CHRNA3: variants seen among roughly 807,000 people sequenced by gnomAD.
CHRNA3 encodes cholinergic receptor nicotinic alpha 3 subunit.
CHRNA3 carries 34 observed loss-of-function variants against 41.9 expected under a neutral mutation model. The ratio of observed to expected loss-of-function variants is 0.81; its 90% confidence interval spans 0.62 to 1.08. CHRNA3 has a LOEUF of 1.08. CHRNA3 is among the 50% of genes least tolerant of loss of function. The pLI, the probability that CHRNA3 is intolerant of heterozygous loss-of-function variation, is 0.00. For missense variants in CHRNA3, 542 were observed against 638.3 expected, an observed-to-expected ratio of 0.85 and a Z score of 1.63; for synonymous variants, 281 against 265.2, an observed-to-expected ratio of 1.06 and a Z score of -0.58.
chr15:78,593,570 C>T (rs73463098), downstream of CHRNA3: 993 of 178,646 alleles, frequency 5.6e-3, 13 homozygotes, highest in African/African-American at 0.022. Context: ...TTTGACTGTG[C>T]TGGAGAATTC....
intron 4 of CHRNA3, among the ~76,000 whole-genome samples, chr15:78,608,077 G>C (rs776417213): frequency 6.2e-4 from 94 of 152,356 alleles, no homozygotes; most frequent in Non-Finnish European, 1.2e-4. Context: ...CGGGAAGCTC[G>C]AACTGGATGG....
At chr15:78,598,021 C>T (rs945399312) in intron 5 of CHRNA3, among the ~76,000 whole-genome samples, 1 of 152,058 alleles carries the variant, frequency 6.6e-6, no homozygotes, top group Middle Eastern at 3.2e-3. Flanking sequence ...TTCAGATACA[C>T]CTTGAGATGT....
chr15:78,607,201 C>T (rs1422725786), intron 4 of CHRNA3, among the ~76,000 whole-genome samples: 2 of 137,146 alleles, frequency 1.5e-5, no homozygotes, highest in Non-Finnish European at 3.1e-5. Flanking sequence ...CTGGCCAACA[C>T]AGTGAGACTC....
intron 1 of CHRNA3, chr15:78,620,339 A>C: frequency 5.0e-6 from 1 of 201,344 alleles, no homozygotes; most frequent in Non-Finnish European, 1.0e-5. Context: ...GTGGAGCGGG[A>C]GGCTTGGGCG....
At chr15:78,596,785 T>C in intron 5 of CHRNA3, 53 bp from the exon 6 acceptor site, 8 of 1,563,244 alleles carry the variant, frequency 5.1e-6, no homozygotes, top group Non-Finnish European at 6.9e-6. Flanking sequence ...GGCAAATGAA[T>C]ACATTTTCAA....
chr15:78,616,137 G>C (rs1380679513), intron 4 of CHRNA3, among the ~76,000 whole-genome samples: 1 of 151,554 alleles, frequency 6.6e-6, no homozygotes, highest in Non-Finnish European at 1.5e-5. Flanking sequence ...CAGATTGCTT[G>C]AGGTCAGGAG....
At chr15:78,612,967 A>G (rs2053403573) in intron 4 of CHRNA3, among the ~76,000 whole-genome samples, 2 of 152,146 alleles carry the variant, frequency 1.3e-5, no homozygotes, top group Non-Finnish European at 2.9e-5. Flanking sequence ...ACACATGAAA[A>G]AATGCTCATC....
chr15:78,617,557 C>A (rs559594478), intron 3 of CHRNA3, among the ~76,000 whole-genome samples: 2 of 152,310 alleles, frequency 1.3e-5, no homozygotes, highest in Non-Finnish European at 2.9e-5. Context: ...TTAAGCAAGA[C>A]TGGACTCTGA....
intron 4 of CHRNA3, 76 bp downstream of exon 4, chr15:78,616,947 GT>G: frequency 8.2e-6 from 8 of 971,818 alleles, no homozygotes; most frequent in Non-Finnish European, 1.3e-5. Flanking sequence ...GGAAGGCCAG[GT>G]TTTAAGCACA....
chr15:78,618,615 A>G lies in CHRNA3; in HGVS notation c.267+2T>C, dbSNP rs199547652. ...AGCAGTGCCTAGGGTCTGGTCACTT[A>G]CTTGCTTGAGCCACAGGTTGGTCTC... On this transcript the variant is annotated splice_donor_variant, in intron 3 of 5. Transcript: ENST00000326828. LOFTEE classifies it high-confidence loss of function. 4.3e-6 allele frequency: 7 copies of G among 1,613,996 alleles called. No homozygotes were observed. Among genetic ancestry groups the G allele is most frequent in the African/African-American group, 4.0e-5 (3 of 74,930 alleles).
chr15:78,599,060 G>C (rs1596071254), intron 5 of CHRNA3, among the ~76,000 whole-genome samples: 1 of 143,636 alleles, frequency 7.0e-6, no homozygotes, highest in Admixed American at 6.9e-5. Context: ...GGCTGGTCTT[G>C]AACTCCCAAC....
At position 78,601,402 on chromosome 15, in the gene CHRNA3, T is replaced by C. The variant is rs1486349825; in HGVS notation, c.1240A>G (p.Asn414Asp). ...YCHHRRIKIS[N>D]FSANLTRSSS... ...CTTCTCGTGAGGTTAGCACTGAAAT[T>C]GGAGATTTTTATCCTGCGGTGGTGG... Residue 414 changes from asparagine (N) to aspartate (D), a missense_variant, in exon 5 of 6, where the codon AAT becomes GAT. Transcript: ENST00000326828. The C allele has an allele frequency of 1.2e-6, 2 of 1,613,928 alleles. No individual in the cohort carries two copies. Among genetic ancestry groups the C allele is most frequent in the Non-Finnish European group, 8.5e-7 (1 of 1,180,012 alleles).
At chr15:78,608,398 T>C (rs2053331242) in intron 4 of CHRNA3, among the ~76,000 whole-genome samples, 2 of 152,148 alleles carry the variant, frequency 1.3e-5, no homozygotes, top group Admixed American at 1.3e-4. Flanking sequence ...GCAGCATCTG[T>C]GGGTCACCAA....
At chr15:78,593,397 A>G, downstream of CHRNA3, 4 of 737,734 alleles carry the variant, frequency 5.4e-6, no homozygotes, top group Non-Finnish European at 8.1e-6. Context: ...ATGTTAACAG[A>G]TGATCCATTT....
intron 5 of CHRNA3, among the ~76,000 whole-genome samples, chr15:78,597,611 C>T (rs1319204232): frequency 3.9e-5 from 6 of 152,048 alleles, no homozygotes; most frequent in Non-Finnish European, 7.4e-5. Flanking sequence ...AGTTGGAGAG[C>T]AGGTTGAACA....
At chr15:78,598,250 G>C (rs565052846) in intron 5 of CHRNA3, among the ~76,000 whole-genome samples, 1 of 152,302 alleles carries the variant, frequency 6.6e-6, no homozygotes, top group Admixed American at 6.5e-5. Context: ...TTTCAGAACA[G>C]AGTCCTTAAT....
chr15:78,607,801 GGGAGTTCCCTTT>G (rs2053317066), intron 4 of CHRNA3, among the ~76,000 whole-genome samples: 1 of 152,234 alleles, frequency 6.6e-6, no homozygotes, highest in East Asian at 1.9e-4. Context: ...CAAGGGGTCA[GGGAGTTCCCTTT>G]CCTAGTCAAA....
At chr15:78,615,019 T>G (rs140507385) in intron 4 of CHRNA3, among the ~76,000 whole-genome samples, 142 of 152,168 alleles carry the variant, frequency 9.3e-4, no homozygotes, top group African/African-American at 3.3e-3. Context: ...CATAGGAGAC[T>G]GGAAGTGGCC....
intron 1 of CHRNA3, 123 bp from the exon 2 acceptor site, chr15:78,619,038 T>C: frequency 1.7e-6 from 2 of 1,183,016 alleles, no homozygotes; most frequent in Non-Finnish European, 2.4e-6. Flanking sequence ...TGTGGAACCC[T>C]AGACTTTCAG....
Sources: allele counts gnomAD v4.1 joint callset (sites outside exome capture counted in the v4.1 genomes callset), GRCh38; gene constraint gnomAD v4.1.1; transcripts MANE v1.5; gene names NCBI Gene and HGNC (gene_info 2026-07-23, HGNC 2026-07-21).